The following RBFOX3 variants were observed in gnomAD, a reference collection of about 807,000 sequenced individuals.
RBFOX3 encodes RNA binding protein fox-1 homolog 3.
RBFOX3 carries 17 observed loss-of-function variants against 48.7 expected under a neutral mutation model. The observed-to-expected ratio is 0.35, with a 90% CI of 0.24 to 0.52. The LOEUF is 0.52. Ranked by LOEUF, RBFOX3 falls within the 20% of genes least tolerant of loss-of-function variation. The pLI, the probability that RBFOX3 is intolerant of heterozygous loss-of-function variation, is 0.94. For missense variants in RBFOX3, 382 were observed against 497.5 expected, an observed-to-expected ratio of 0.77 and a Z score of 2.21; for synonymous variants, 212 against 209.5, an observed-to-expected ratio of 1.01 and a Z score of -0.10.
chr17:79,275,938 G>A (rs768378413), intron 3 of RBFOX3, among the ~76,000 whole-genome samples: 5 of 152,174 alleles, frequency 3.3e-5, no homozygotes, highest in Non-Finnish European at 5.9e-5. Context: ...TCATTGCAGC[G>A]TCATTCACCA....
intron 4 of RBFOX3, among the ~76,000 whole-genome samples, chr17:79,225,779 A>G (rs541018062): frequency 8.5e-5 from 13 of 152,334 alleles, no homozygotes; most frequent in African/African-American, 3.1e-4. Flanking sequence ...TGAGGTGCCA[A>G]CTGCAGGCTG....
intron 2 of RBFOX3, among the ~76,000 whole-genome samples, chr17:79,321,668 A>G (rs2078539561): frequency 6.6e-6 from 1 of 151,264 alleles, no homozygotes; most frequent in Non-Finnish European, 1.5e-5. Context: ...AGGATGCCAA[A>G]GAGCTGGAAT....
At position 79,421,046 on chromosome 17, in the gene RBFOX3, G is replaced by A. The variant is rs552612973; in HGVS notation, c.-175+61408C>T. On this transcript the variant is annotated intron_variant, in intron 2 of 14. Transcript: ENST00000693108. This position sits in a 1 kb window ranked among gnomAD's most constrained non-coding sequence, Gnocchi z 4.5. ...GGTGGGTTGAGGGGCTTCCCTACTG[G>A]GTGAGCCTCCCCAGGTGGGTCGAGG... Among the ~76,000 whole-genome samples the A allele has an allele frequency of 2.0e-5, 3 of 151,502 alleles. No individual in the cohort carries two copies. Among genetic ancestry groups the A allele is most frequent in the Non-Finnish European group, 4.4e-5 (3 of 67,758 alleles).
At chr17:79,353,157 C>T (rs191630194) in intron 2 of RBFOX3, among the ~76,000 whole-genome samples, 38 of 152,328 alleles carry the variant, frequency 2.5e-4, no homozygotes, top group African/African-American at 9.1e-4. Flanking sequence ...TGAACAACCT[C>T]GCCCTGAACA....
At chr17:79,624,771 G>T in the RBFOX3 span, among the ~76,000 whole-genome samples, 436 of 152,174 alleles carry the variant, frequency 2.9e-3, no homozygotes, top group Non-Finnish European at 4.2e-3. Flanking sequence ...CCATGTCACT[G>T]AGGTTCTCCC....
At chr17:79,356,869 C>A (rs4790027) in intron 2 of RBFOX3, among the ~76,000 whole-genome samples, 16,828 of 152,204 alleles carry the variant, frequency 0.11, 1,065 homozygotes, top group East Asian at 0.21. Flanking sequence ...CCTGCCTGGG[C>A]CAGCCACTGC....
intron 4 of RBFOX3, among the ~76,000 whole-genome samples, chr17:79,137,920 CT>C (rs1227907339): frequency 6.6e-6 from 1 of 152,204 alleles, no homozygotes; most frequent in Non-Finnish European, 1.5e-5. Flanking sequence ...CTGATTGCGC[CT>C]GTCAACTCGG....
chr17:79,378,059 G>A (rs774837796), intron 2 of RBFOX3, among the ~76,000 whole-genome samples: 4 of 152,182 alleles, frequency 2.6e-5, no homozygotes, highest in Non-Finnish European at 4.4e-5. Flanking sequence ...TGGAGGAAGC[G>A]GATTGTGAAG....
At chr17:79,321,355 C>T (rs1291807291) in intron 2 of RBFOX3, among the ~76,000 whole-genome samples, 1 of 152,174 alleles carries the variant, frequency 6.6e-6, no homozygotes, top group African/African-American at 2.4e-5. Flanking sequence ...GGCAGCAGGA[C>T]GTAGAGAGGC....
chr17:79,267,464 T>C (rs552246773), intron 3 of RBFOX3, among the ~76,000 whole-genome samples: 167 of 152,182 alleles, frequency 1.1e-3, no homozygotes, highest in Non-Finnish European at 2.0e-3. Flanking sequence ...GATCTCGGCT[T>C]ACTGCAACCT....
At chr17:79,405,198 C>T (rs1465958115) in intron 2 of RBFOX3, among the ~76,000 whole-genome samples, 2 of 152,178 alleles carry the variant, frequency 1.3e-5, no homozygotes, top group African/African-American at 4.8e-5. Flanking sequence ...CTGCACCCCA[C>T]CAGCTCGATG....
In RBFOX3 at chr17:79,254,107, T is replaced by A. The variant is rs183223406; in HGVS notation, c.-73-18302A>T. On this transcript the variant is annotated intron_variant, in intron 3 of 14. Transcript: ENST00000693108. The surrounding 1 kb of genome is among the most constrained non-coding windows in gnomAD (Gnocchi z 4.8). ...TGAAGTCACTGCAATGCCCAGGTCC[T>A]GGGCAGGGAGGCAAGTTCACCACTG... 1.1e-4 allele frequency among the ~76,000 whole-genome samples: 16 copies of A among 152,320 alleles called. No individual in the cohort carries two copies. The East Asian group carries it at 3.1e-3, about 30-fold the overall frequency.
intron 14 of RBFOX3, among the ~76,000 whole-genome samples, chr17:79,093,875 C>T (rs1187460190): frequency 6.6e-6 from 1 of 152,122 alleles, no homozygotes; most frequent in Non-Finnish European, 1.5e-5. Flanking sequence ...TTCCACCCCA[C>T]AGCCTGAGGG....
At chr17:79,245,345 C>T (rs933614000) in intron 3 of RBFOX3, among the ~76,000 whole-genome samples, 4 of 152,086 alleles carry the variant, frequency 2.6e-5, no homozygotes, top group Admixed American at 6.5e-5. Context: ...AATTGGACCC[C>T]GAGAAAGACC....
chr17:79,429,057 G>A (rs1411231096), intron 2 of RBFOX3, among the ~76,000 whole-genome samples: 1 of 152,046 alleles, frequency 6.6e-6, no homozygotes, highest in African/African-American at 2.4e-5. Flanking sequence ...CCCCTACCCA[G>A]AACCTTTTCC....
chr17:79,515,264 C>G (rs1016739938), intron 1 of RBFOX3, among the ~76,000 whole-genome samples: 16,200 of 152,214 alleles, frequency 0.11, 1,197 homozygotes, highest in East Asian at 0.46. Flanking sequence ...GCTCCCCAGG[C>G]CAGGTCACCT....
intron 3 of RBFOX3, among the ~76,000 whole-genome samples, chr17:79,295,124 G>A (rs554419100): frequency 1.7e-4 from 26 of 152,314 alleles, no homozygotes; most frequent in Non-Finnish European, 3.7e-4. Flanking sequence ...CAGGGAATGT[G>A]CTTGGATTTG....
chr17:79,223,624 C>T (rs1341344230), intron 4 of RBFOX3, among the ~76,000 whole-genome samples: 1 of 152,154 alleles, frequency 6.6e-6, no homozygotes, highest in Non-Finnish European at 1.5e-5. Flanking sequence ...TGGCGTGAGA[C>T]ATGGAGAGGA....
chr17:79,431,601 C>T lies in RBFOX3; in HGVS notation c.-175+50853G>A, dbSNP rs142013148. ...CTGGGTTCAAGTGATTCTCCTGCCT[C>T]AGCCTCCTGAGTAGCTGGGATTACA... On this transcript the variant is annotated intron_variant, in intron 2 of 14. Transcript: ENST00000693108. Among the ~76,000 whole-genome samples, 1,095 of 152,066 alleles carry T rather than the reference C, an allele frequency of 7.2e-3. 18 individuals carry two copies. The highest frequency in any genetic ancestry group is 0.025 in the African/African-American group (1,017 of 41,462).
Sources: allele counts gnomAD v4.1 joint callset (sites outside exome capture counted in the v4.1 genomes callset), GRCh38; gene constraint gnomAD v4.1.1; non-coding constraint Gnocchi (gnomAD v3.1); transcripts MANE v1.5; gene names NCBI Gene and HGNC (gene_info 2026-07-23, HGNC 2026-07-21).